The following VTA1 variants were observed in gnomAD, a reference collection of about 807,000 sequenced individuals.
VTA1 encodes vacuolar protein sorting-associated protein VTA1 homolog.
VTA1 carries 24 observed loss-of-function variants against 36.9 expected under a neutral mutation model. The observed-to-expected ratio is 0.65, with a 90% confidence interval of 0.47 to 0.91. VTA1 has a LOEUF of 0.91. VTA1 is among the 40% of genes least tolerant of loss of function. The pLI, the probability that VTA1 is intolerant of heterozygous loss-of-function variation, is 0.00. For synonymous variants in VTA1, 142 were observed against 130.2 expected (o/e 1.09, Z -0.62); for missense variants, 393 against 377.2 (o/e 1.04, Z -0.35).
chr6:142,223,229 A>G lies in VTA1; in HGVS notation c.*4586A>G, dbSNP rs567256127. 1 of 152,222 alleles carries G rather than the reference A, an allele frequency of 6.6e-6. No individual in the cohort carries two copies. The highest frequency in any genetic ancestry group is 2.4e-5 in the African/African-American group (1 of 41,452). The allele number at this position is 152,222 out of a possible 1,614,324, so 9.4% of individuals were successfully genotyped here. A position where few individuals can be genotyped will look rare whatever the true frequency, so the allele number is the denominator to read the frequency against. On this transcript the variant is annotated 3_prime_UTR_variant, in exon 8 of 8. Transcript: ENST00000367630. The stretch of plus-strand genomic sequence containing the variant: ...ATTGCACCCTCAATATCTGGAATAT[A>G]CACTGATCTATGACCTGAAATTGTA...
intron 4 of VTA1, among the ~76,000 whole-genome samples, chr6:142,185,986 G>T (rs112291884): frequency 0.013 from 2,015 of 152,264 alleles, 53 homozygotes; most frequent in African/African-American, 0.046. Flanking sequence ...GGTGTTTTGA[G>T]GGTCTGGGAG....
chr6:142,157,112 C>T (rs1193438244), intron 1 of VTA1, among the ~76,000 whole-genome samples: 1 of 152,116 alleles, frequency 6.6e-6, no homozygotes, highest in Non-Finnish European at 1.5e-5. Flanking sequence ...GGCAGTGAGC[C>T]GAGATTGCGC....
chr6:142,158,779 A>G lies in VTA1; in HGVS notation c.113-7449A>G, dbSNP rs114732583. Among the ~76,000 whole-genome samples the G allele has an allele frequency of 6.3e-3, 952 of 152,096 alleles. 12 individuals carry two copies. Among genetic ancestry groups the G allele is most frequent in the African/African-American group, 0.021 (887 of 41,506 alleles). On this transcript the variant is annotated intron_variant, in intron 1 of 7. Transcript: ENST00000367630. The stretch of plus-strand genomic sequence containing the variant: ...TACCTCCACTGTGAAGTTACTAGAT[A>G]TTCCTCTTTTATTTTTTTAGTGGTT...
intron 4 of VTA1, among the ~76,000 whole-genome samples, chr6:142,175,718 T>C (rs1775109454): frequency 6.6e-6 from 1 of 152,094 alleles, no homozygotes; most frequent in African/African-American, 2.4e-5. Context: ...TTCATAACTT[T>C]TCTAAAATGT....
At chr6:142,205,106 G>C (rs932094773) in intron 7 of VTA1, among the ~76,000 whole-genome samples, 1 of 152,132 alleles carries the variant, frequency 6.6e-6, no homozygotes, top group African/African-American at 2.4e-5. Flanking sequence ...TGTTCTCCCT[G>C]TATGAGTGGG....
intron 7 of VTA1, among the ~76,000 whole-genome samples, chr6:142,211,183 T>G: frequency 1.4e-5 from 2 of 148,052 alleles, no homozygotes; most frequent in African/African-American, 2.5e-5. Flanking sequence ...GGGGAAGGAG[T>G]GGAGGATGAA....
chr6:142,208,388 T>C (rs1034887033), intron 7 of VTA1, among the ~76,000 whole-genome samples: 5 of 151,210 alleles, frequency 3.3e-5, no homozygotes, highest in Non-Finnish European at 5.9e-5. Flanking sequence ...AAATACACAG[T>C]CAGAAGAAGG....
chr6:142,158,456 T>C (rs1448825780), intron 1 of VTA1, among the ~76,000 whole-genome samples: 2 of 152,174 alleles, frequency 1.3e-5, no homozygotes, highest in African/African-American at 4.8e-5. Context: ...TCTATTTTTA[T>C]GTGACTAAAT....
Position 142,147,280 on chromosome 6 carries a change from G to A in VTA1, c.-8G>A, listed in dbSNP as rs1778462575. On this transcript the variant is annotated 5_prime_UTR_variant, in exon 1 of 8. Coordinates refer to ENST00000367630, the MANE Select transcript of VTA1 (RefSeq NM_016485.5). ...GCGCGAGTAGGAAGTGGTGAGTTCG[G>A]AGTAGAGATGGCCGCGCTTGCACCG... 1.9e-6 allele frequency: 3 copies of A among 1,614,128 alleles called. No individual in the cohort carries two copies. The highest frequency in any genetic ancestry group is 1.6e-4 in the Middle Eastern group (1 of 6,062).
At chr6:142,181,078 G>GAAAAAAAAA (rs1162412059) in intron 4 of VTA1, among the ~76,000 whole-genome samples, 1 of 51,286 alleles carries the variant, frequency 1.9e-5, no homozygotes, top group African/African-American at 6.9e-5. Context: ...AAATGGTACA[G>GAAAAAAAAA]AAAAAAAAAA....
intron 6 of VTA1, among the ~76,000 whole-genome samples, chr6:142,202,065 A>C (rs181030846): frequency 1.3e-5 from 2 of 152,104 alleles, no homozygotes; most frequent in African/African-American, 4.8e-5. Context: ...TATGAATGAT[A>C]TATGTAATCT....
At chr6:142,150,151 A>G (rs531818840) in intron 1 of VTA1, among the ~76,000 whole-genome samples, 10 of 152,108 alleles carry the variant, frequency 6.6e-5, no homozygotes, top group Admixed American at 2.6e-4. Flanking sequence ...TAACCACTCT[A>G]TTTCTGTGAA....
At chr6:142,199,046 G>C (rs225679) in intron 6 of VTA1, among the ~76,000 whole-genome samples, 58,275 of 151,884 alleles carry the variant, frequency 0.38, 13,277 homozygotes, top group Middle Eastern at 0.54. Flanking sequence ...CCTCTGCCCT[G>C]AAGATGGGTA....
chr6:142,220,069 A>G lies in VTA1; in HGVS notation c.*1426A>G, dbSNP rs779454970. On this transcript the variant is annotated 3_prime_UTR_variant, in exon 8 of 8. Transcript: ENST00000367630. ...TTATTTTCTGCATAAATGTAATGCT[A>G]TTGTACAGGGTTTGGTAGAATAAAT... is the stretch of plus-strand genomic sequence containing the variant. 4 of 152,194 alleles carry G rather than the reference A, an allele frequency of 2.6e-5. No homozygotes were observed. The highest frequency in any genetic ancestry group is 4.8e-5 in the African/African-American group (2 of 41,460). 9.4% of individuals were successfully genotyped at this position (152,194 alleles called of 1,614,324 possible). A position where few individuals can be genotyped will look rare whatever the true frequency, so the allele number is the denominator to read the frequency against.
At chr6:142,198,096 C>CAAAA (rs200763527) in intron 5 of VTA1, among the ~76,000 whole-genome samples, 1,255 of 99,908 alleles carry the variant, frequency 0.013, 12 homozygotes, top group Admixed American at 0.034. Flanking sequence ...GACTCCGTCT[C>CAAAA]AAAAAAAAAT....
At chr6:142,187,912 C>CTTT (rs58131768) in intron 4 of VTA1, among the ~76,000 whole-genome samples, 3,091 of 120,622 alleles carry the variant, frequency 0.026, 94 homozygotes, top group Non-Finnish European at 0.033. Flanking sequence ...TACTTTCTTT[C>CTTT]TTTTTTTTTT....
At chr6:142,213,613 A>G (rs751404037) in intron 7 of VTA1, among the ~76,000 whole-genome samples, 3 of 152,236 alleles carry the variant, frequency 2.0e-5, no homozygotes, top group Non-Finnish European at 4.4e-5. Context: ...ACTTCTGCCT[A>G]GACATCTGGG....
intron 4 of VTA1, among the ~76,000 whole-genome samples, chr6:142,182,466 AT>A (rs1775260882): frequency 6.6e-6 from 1 of 152,238 alleles, no homozygotes; most frequent in Admixed American, 6.5e-5. Flanking sequence ...TTATTAAATA[AT>A]CAAGGTAAAA....
chr6:142,215,538 A>G (rs1170708016), intron 7 of VTA1, among the ~76,000 whole-genome samples: 2 of 152,150 alleles, frequency 1.3e-5, no homozygotes, highest in Non-Finnish European at 1.5e-5. Context: ...ATTCATAACT[A>G]CTATTGTTGG....
Sources: gnomAD v4.1 joint callset for allele counts (sites outside exome capture counted in the v4.1 genomes callset) on GRCh38, gnomAD v4.1.1 for gene constraint, MANE v1.5 for transcripts, NCBI Gene and HGNC (gene_info 2026-07-23, HGNC 2026-07-21) for gene names.